The following NRXN3 variants were observed in gnomAD, a reference collection of about 807,000 sequenced individuals.
The protein encoded by NRXN3 is neurexin 3, also known as neurexin III.
Under a neutral mutation model 137.6 loss-of-function variants are expected in NRXN3, and 32 were observed. That is an observed-to-expected ratio of 0.23 (90% CI 0.18 to 0.31). The LOEUF is 0.31. NRXN3 is among the 10% of genes least tolerant of loss of function. The pLI is 1.00. For synonymous variants in NRXN3, 798 were observed against 784.5 expected, an observed-to-expected ratio of 1.02 and a Z score of -0.29; for missense variants, 1,574 against 2,062.5, an observed-to-expected ratio of 0.76 and a Z score of 4.59.
At chr14:78,447,779 A>G (rs1396266193) in intron 4 of NRXN3, among the ~76,000 whole-genome samples, 1 of 152,192 alleles carries the variant, frequency 6.6e-6, no homozygotes, top group Non-Finnish European at 1.5e-5. Context: ...TTCTTTTCCT[A>G]GTTATAGAAA....
chr14:78,710,724 G>T (rs2098399947), intron 7 of NRXN3, among the ~76,000 whole-genome samples: 5 of 152,278 alleles, frequency 3.3e-5, no homozygotes, highest in Admixed American at 3.3e-4. Context: ...AGCTTTGGTG[G>T]GTTGGCTTTT....
At chr14:79,780,901 T>A (rs1213141944) in intron 19 of NRXN3, among the ~76,000 whole-genome samples, 1 of 152,196 alleles carries the variant, frequency 6.6e-6, no homozygotes, top group Non-Finnish European at 1.5e-5. Context: ...AACTGAGCTG[T>A]GTTTTTATCA....
At chr14:79,641,050 C>T (rs2098430387) in intron 16 of NRXN3, among the ~76,000 whole-genome samples, 1 of 133,924 alleles carries the variant, frequency 7.5e-6, no homozygotes, top group African/African-American at 2.5e-5. Flanking sequence ...CTCTGTCTCC[C>T]AGGCTGGAGT....
rs1193639138 is a variant in NRXN3, at chr14:79,768,129, C to T, written c.4015-36983C>T. ...CCTGGCTCGGAGGGTCCTACGCCCA[C>T]GGAGTCTCCCTGATTGCTAGCACAG... On this transcript the variant is annotated intron_variant, in intron 19 of 20. Coordinates refer to ENST00000335750, the MANE Select transcript of NRXN3 (RefSeq NM_001330195.2). 7.2e-5 allele frequency among the ~76,000 whole-genome samples: 11 copies of T among 152,192 alleles called. No homozygotes were observed. The East Asian group carries it at 1.3e-3, about 19-fold the overall frequency.
chr14:78,857,094 C>T (rs2099059480), intron 10 of NRXN3, among the ~76,000 whole-genome samples: 1 of 152,080 alleles, frequency 6.6e-6, no homozygotes, highest in South Asian at 2.1e-4. Context: ...AAAATGTTTT[C>T]ATGCTACACA....
chr14:78,566,694 G>C (rs2096839773), intron 4 of NRXN3, among the ~76,000 whole-genome samples: 1 of 152,050 alleles, frequency 6.6e-6, no homozygotes, highest in African/African-American at 2.4e-5. Context: ...CCATTTTATC[G>C]AGTCCCTCTG....
At chr14:79,251,285 A>G (rs1031561812) in intron 15 of NRXN3, among the ~76,000 whole-genome samples, 2 of 152,156 alleles carry the variant, frequency 1.3e-5, no homozygotes, top group African/African-American at 4.8e-5. Flanking sequence ...TATTCATTCA[A>G]AGAGGTACTA....
chr14:79,825,322 C>T (rs1222084730), intron 20 of NRXN3, among the ~76,000 whole-genome samples: 1 of 151,376 alleles, frequency 6.6e-6, no homozygotes, highest in East Asian at 1.9e-4. Context: ...TGTGTGTTCA[C>T]CCTATCAGTT....
chr14:79,125,149 T>C (rs763268253), intron 15 of NRXN3, among the ~76,000 whole-genome samples: 35 of 152,222 alleles, frequency 2.3e-4, no homozygotes, highest in Non-Finnish European at 4.7e-4. Flanking sequence ...TCCCCAGATC[T>C]TCATCTGGCT....
chr14:78,840,025 G>C (rs1197416680), intron 10 of NRXN3, among the ~76,000 whole-genome samples: 1 of 152,126 alleles, frequency 6.6e-6, no homozygotes, highest in Non-Finnish European at 1.5e-5. Context: ...TTTAAGATTT[G>C]TTTTTCTATT....
At chr14:79,855,023 C>T (rs1333350394) in intron 20 of NRXN3, among the ~76,000 whole-genome samples, 2 of 152,134 alleles carry the variant, frequency 1.3e-5, no homozygotes, top group Non-Finnish European at 2.9e-5. Context: ...TCTCTCTCTC[C>T]CTCTTTCCTT....
In NRXN3 at chr14:79,068,167, G is replaced by A. The variant is rs12884931; in HGVS notation, c.3262+80026G>A. Among the ~76,000 whole-genome samples, 8 of 152,020 alleles carry A rather than the reference G, an allele frequency of 5.3e-5. No homozygotes were observed. The South Asian group carries it at 1.5e-3, about 28-fold the overall frequency. On this transcript the variant is annotated intron_variant, in intron 15 of 20. Coordinates refer to ENST00000335750, the MANE Select transcript of NRXN3 (RefSeq NM_001330195.2). ...GTATTTGTCTCTAGTTTTTATGTTC[G>A]ATTCTCAGAGGCAGGTATTTCATTG... is the stretch of plus-strand genomic sequence containing the variant.
At position 78,652,174 on chromosome 14, in the gene NRXN3, G is replaced by C. The variant is rs549568673; in HGVS notation, c.1221+848G>C. Among the ~76,000 whole-genome samples, 9 of 152,294 alleles carry C rather than the reference G, an allele frequency of 5.9e-5. No individual in the cohort carries two copies. In the East Asian group the frequency reaches 9.6e-4, roughly 16 times the overall value. On this transcript the variant is annotated intron_variant, in intron 6 of 20. Coordinates refer to ENST00000335750, the MANE Select transcript of NRXN3 (RefSeq NM_001330195.2). ...TTCACTAAGCCTGGTGTTCCCAAGG[G>C]TCTCATAGTTGAGACGGAAGAAAAT...
At chr14:78,752,337 AC>A (rs1224505772) in intron 8 of NRXN3, among the ~76,000 whole-genome samples, 1 of 152,166 alleles carries the variant, frequency 6.6e-6, no homozygotes, top group Non-Finnish European at 1.5e-5. Context: ...AATCACTTGA[AC>A]CCAGGAGGCG....
intron 16 of NRXN3, among the ~76,000 whole-genome samples, chr14:79,576,640 A>G (rs908415166): frequency 4.1e-4 from 63 of 152,086 alleles, no homozygotes; most frequent in Non-Finnish European, 1.5e-4. Flanking sequence ...CTATCTGTTC[A>G]GTCTTCGTTT....
chr14:79,356,579 C>T (rs2093430375), intron 15 of NRXN3, among the ~76,000 whole-genome samples: 1 of 152,114 alleles, frequency 6.6e-6, no homozygotes, highest in East Asian at 1.9e-4. Context: ...AACAAATTTA[C>T]TAGCATCTCT....
intron 15 of NRXN3, among the ~76,000 whole-genome samples, chr14:79,277,012 A>G (rs1407083731): frequency 2.0e-5 from 3 of 152,226 alleles, no homozygotes; most frequent in Non-Finnish European, 1.5e-5. Context: ...ACTATGAACA[A>G]GTATACAGAT....
intron 4 of NRXN3, among the ~76,000 whole-genome samples, chr14:78,592,483 G>C (rs934345685): frequency 6.6e-6 from 1 of 152,146 alleles, no homozygotes; most frequent in Non-Finnish European, 1.5e-5. Context: ...TTCCCCATCA[G>C]AGAAATGTTT....
At chr14:78,733,775 G>A (rs1218462533) in intron 8 of NRXN3, among the ~76,000 whole-genome samples, 3 of 152,170 alleles carry the variant, frequency 2.0e-5, no homozygotes, top group Non-Finnish European at 2.9e-5. Context: ...AAAGCCATCT[G>A]TTACCACTGT....
Sources: gnomAD v4.1 joint callset for allele counts (sites outside exome capture counted in the v4.1 genomes callset) on GRCh38, gnomAD v4.1.1 for gene constraint, MANE v1.5 for transcripts, NCBI Gene and HGNC (gene_info 2026-07-23, HGNC 2026-07-21) for gene names.